The following LPP variants were observed in gnomAD, a reference collection of about 807,000 sequenced individuals.
The protein encoded by LPP is LIM domain containing preferred translocation partner in lipoma, also known as lipoma-preferred partner.
Under a neutral mutation model 60.4 loss-of-function variants are expected in LPP, and 38 were observed. The observed-to-expected ratio is 0.63, with a 90% confidence interval of 0.49 to 0.83. The LOEUF is 0.83. Among genes scored for constraint, LPP ranks in the 40% least tolerant of loss-of-function variants. The probability of loss-of-function intolerance (pLI) is 0.00; values close to 1 mark genes in which losing one functional copy is unlikely to be tolerated. For synonymous variants in LPP, 328 were observed against 290.8 expected (o/e 1.13, Z -1.30); for missense variants, 902 against 783.6 (o/e 1.15, Z -1.80).
intron 9 of LPP, among the ~76,000 whole-genome samples, chr3:188,760,648 T>C (rs975382507): frequency 6.6e-6 from 1 of 152,144 alleles, no homozygotes; most frequent in Non-Finnish European, 1.5e-5. Flanking sequence ...TCACACCTCT[T>C]ATAAGATCTC....
At chr3:188,272,362 T>C (rs1738051869) in intron 2 of LPP, among the ~76,000 whole-genome samples, 1 of 152,232 alleles carries the variant, frequency 6.6e-6, no homozygotes, top group Non-Finnish European at 1.5e-5. Context: ...TTATCTTCTT[T>C]AACGGCAAAC....
intron 3 of LPP, among the ~76,000 whole-genome samples, chr3:188,401,324 C>G (rs1363233821): frequency 6.6e-6 from 1 of 152,202 alleles, no homozygotes; most frequent in Non-Finnish European, 1.5e-5. Flanking sequence ...CTGAATCCCT[C>G]ATTTTGGTGC....
At chr3:188,329,962 T>A (rs971011786) in intron 2 of LPP, among the ~76,000 whole-genome samples, 6 of 152,158 alleles carry the variant, frequency 3.9e-5, no homozygotes, top group South Asian at 2.1e-4. Context: ...CTATAACCCA[T>A]CTTACTAGGC....
chr3:188,488,915 G>A (rs771181808), intron 5 of LPP, among the ~76,000 whole-genome samples: 2 of 152,134 alleles, frequency 1.3e-5, no homozygotes, highest in Non-Finnish European at 2.9e-5. Context: ...GGGATTACAG[G>A]CATGATCCAC....
intron 2 of LPP, chr3:188,240,168 G>C (rs1723500386): frequency 1.6e-5 from 3 of 184,952 alleles, no homozygotes; most frequent in African/African-American, 7.0e-5. Context: ...TCAAGGTGGG[G>C]TTTATGTGTA....
chr3:188,759,772 A>G lies in LPP; in HGVS notation c.1241-341A>G, dbSNP rs116492623. On this transcript the variant is annotated intron_variant, in intron 8 of 11. Coordinates refer to ENST00000617246, the MANE Select transcript of LPP (RefSeq NM_001375462.1). ...TTTGCCTTCCACTCCAAACATCCTGAGTCATGTTCCTTTTATACTTGCATG... is the reference window on the plus strand; with the variant it reads ...TTTGCCTTCCACTCCAAACATCCTGGGTCATGTTCCTTTTATACTTGCATG... 3.1e-3 allele frequency among the ~76,000 whole-genome samples: 472 copies of G among 152,258 alleles called. 3 individuals carry two copies. The highest frequency in any genetic ancestry group is 0.011 in the African/African-American group (443 of 41,556).
intron 4 of LPP, among the ~76,000 whole-genome samples, chr3:188,415,666 T>C (rs980413048): frequency 3.4e-5 from 5 of 147,580 alleles, no homozygotes; most frequent in Non-Finnish European, 4.5e-5. Flanking sequence ...ACATGCTTAA[T>C]GAAAAAACTG....
At position 188,248,350 on chromosome 3, in the gene LPP, T is replaced by C. The variant is rs183579504; in HGVS notation, c.-67+22823T>C. ...GAGCAAGGAATATATTTCATTGCTTTAATTGTTCAAGGTCTTTTAAAAGCG... is the reference window on the plus strand; with the variant it reads ...GAGCAAGGAATATATTTCATTGCTTCAATTGTTCAAGGTCTTTTAAAAGCG... On this transcript the variant is annotated intron_variant, in intron 2 of 11. Coordinates refer to ENST00000617246, the MANE Select transcript of LPP (RefSeq NM_001375462.1). 1.2e-4 allele frequency among the ~76,000 whole-genome samples: 18 copies of C among 151,872 alleles called. No homozygotes were observed. The Middle Eastern group carries it at 0.01, about 87-fold the overall frequency.
At chr3:188,626,436 C>T (rs918014771) in intron 7 of LPP, among the ~76,000 whole-genome samples, 8 of 152,036 alleles carry the variant, frequency 5.3e-5, no homozygotes, top group African/African-American at 1.9e-4. Flanking sequence ...TGCATGGAGT[C>T]CTAGAACTGA....
chr3:188,644,645 T>C (rs1186618529), intron 7 of LPP, among the ~76,000 whole-genome samples: 1 of 152,072 alleles, frequency 6.6e-6, no homozygotes, highest in African/African-American at 2.4e-5. Flanking sequence ...AAAATAAAAT[T>C]GTGTGATTGA....
intron 7 of LPP, among the ~76,000 whole-genome samples, chr3:188,703,663 G>A (rs1864921750): frequency 6.6e-6 from 1 of 152,136 alleles, no homozygotes; most frequent in South Asian, 2.1e-4. Context: ...TCCATAATTA[G>A]CATTAGATAA....
chr3:188,682,079 A>G (rs765089755), intron 7 of LPP, among the ~76,000 whole-genome samples: 8 of 152,160 alleles, frequency 5.3e-5, no homozygotes, highest in Non-Finnish European at 8.8e-5. Context: ...TTCATACTGT[A>G]TCCTCGTTTT....
chr3:188,299,852 G>A (rs961986872), intron 2 of LPP, among the ~76,000 whole-genome samples: 5 of 152,196 alleles, frequency 3.3e-5, no homozygotes, highest in African/African-American at 1.2e-4. Flanking sequence ...CACATTTCGA[G>A]TTATGAGCTT....
At chr3:188,386,872 C>T (rs1360781850) in intron 3 of LPP, among the ~76,000 whole-genome samples, 1 of 152,072 alleles carries the variant, frequency 6.6e-6, no homozygotes, top group African/African-American at 2.4e-5. Flanking sequence ...TTACTGTTTT[C>T]AACTGCTTAT....
At chr3:188,450,424 T>C (rs767830953) in intron 4 of LPP, among the ~76,000 whole-genome samples, 1 of 152,144 alleles carries the variant, frequency 6.6e-6, no homozygotes, top group Non-Finnish European at 1.5e-5. Flanking sequence ...TTCACATTTA[T>C]CTATATGATC....
intron 7 of LPP, among the ~76,000 whole-genome samples, chr3:188,658,037 A>G (rs576024353): frequency 1.3e-4 from 20 of 151,066 alleles, no homozygotes; most frequent in African/African-American, 4.9e-4. Flanking sequence ...TTGTTTATCA[A>G]TCAACACAGT....
At chr3:188,638,203 G>T (rs1346428195) in intron 7 of LPP, among the ~76,000 whole-genome samples, 3 of 138,600 alleles carry the variant, frequency 2.2e-5, no homozygotes, top group Non-Finnish European at 4.7e-5. Context: ...TGCAAGGCTG[G>T]TTCAATATAT....
chr3:188,230,516 G>A (rs374496597), intron 2 of LPP, among the ~76,000 whole-genome samples: 1 of 152,260 alleles, frequency 6.6e-6, no homozygotes, highest in South Asian at 2.1e-4. Context: ...AGGCGTAGTG[G>A]CTTATGCCTG....
rs1302759443 is a variant in LPP at position 188,889,959 on chromosome 3, G to A, written c.*15480G>A. The A allele has an allele frequency of 9.4e-6, 2 of 212,954 alleles. No homozygotes were observed. The highest frequency in any genetic ancestry group is 1.5e-3 in the Middle Eastern group (1 of 658). The allele number at this position is 212,954 out of a possible 1,614,324, so 13.2% of individuals were successfully genotyped here. A position where few individuals can be genotyped will look rare whatever the true frequency, so the allele number is the denominator to read the frequency against. On this transcript the variant is annotated 3_prime_UTR_variant, in exon 12 of 12. Transcript: ENST00000617246. ...ATGAGTTCAAAAATTTCAGTGTAAT[G>A]TCATAAGGATGTTGGGATACAGAGA... is the stretch of plus-strand genomic sequence containing the variant.
Sources: allele counts gnomAD v4.1 joint callset (sites outside exome capture counted in the v4.1 genomes callset), GRCh38; gene constraint gnomAD v4.1.1; transcripts MANE v1.5; gene names NCBI Gene and HGNC (gene_info 2026-07-23, HGNC 2026-07-21).